Variants in GRM5 observed in about 807,000 individuals in gnomAD.
GRM5 encodes metabotropic glutamate receptor 5.
A neutral mutation model predicts 83.1 loss-of-function variants in GRM5; 19 were observed. That is an observed-to-expected ratio of 0.23 (90% CI 0.16 to 0.34). The LOEUF (loss-of-function observed/expected upper bound fraction) is 0.34, where lower values mean the gene tolerates loss of function less well. Ranked by LOEUF, GRM5 falls within the 10% of genes least tolerant of loss-of-function variation. GRM5 has a pLI of 1.00. For missense variants in GRM5, 1,160 were observed against 1,588.3 expected (o/e 0.73, Z 4.58); for synonymous variants, 675 against 633.6 (o/e 1.07, Z -0.98).
At chr11:88,665,526 G>A (rs1042907671) in intron 3 of GRM5, among the ~76,000 whole-genome samples, 5 of 152,078 alleles carry the variant, frequency 3.3e-5, no homozygotes, top group Non-Finnish European at 5.9e-5. Context: ...CAAATAAAAC[G>A]TATAGGTATA....
chr11:89,002,819 C>G (rs188802318), intron 2 of GRM5, among the ~76,000 whole-genome samples: 4 of 152,178 alleles, frequency 2.6e-5, no homozygotes, highest in East Asian at 1.9e-4. Context: ...TGCTTCCCCC[C>G]CAGAGAGCCA....
At chr11:88,873,472 C>G (rs582699) in intron 2 of GRM5, among the ~76,000 whole-genome samples, 149,371 of 151,674 alleles carry the variant, frequency 0.98, 73,590 homozygotes, top group East Asian at 1. Flanking sequence ...AAAAAAAATA[C>G]TCTTATCACA....
At chr11:88,935,063 A>G (rs1937848049) in intron 2 of GRM5, among the ~76,000 whole-genome samples, 1 of 151,926 alleles carries the variant, frequency 6.6e-6, no homozygotes, top group Non-Finnish European at 1.5e-5. Flanking sequence ...AACACTATAA[A>G]TCTGCTATCA....
chr11:88,739,256 G>A (rs781669071), intron 3 of GRM5, among the ~76,000 whole-genome samples: 18 of 152,008 alleles, frequency 1.2e-4, no homozygotes, highest in Non-Finnish European at 1.9e-4. Context: ...TTCTTCACTC[G>A]AATTCACCAA....
intron 2 of GRM5, among the ~76,000 whole-genome samples, chr11:88,929,556 C>T (rs183463498): frequency 7.9e-5 from 12 of 152,166 alleles, no homozygotes; most frequent in Non-Finnish European, 1.5e-4. Context: ...AACGAAAAGT[C>T]CGGCAACAGA....
intron 9 of GRM5, among the ~76,000 whole-genome samples, chr11:88,517,629 C>A (rs1231162539): frequency 6.6e-6 from 1 of 152,106 alleles, no homozygotes; most frequent in Admixed American, 6.5e-5. Context: ...ACACAATTCC[C>A]AAATTTTATC....
chr11:88,852,641 C>A lies in GRM5; in HGVS notation c.662-2486G>T, dbSNP rs1050092984. On this transcript the variant is annotated intron_variant, in intron 2 of 9. Coordinates refer to ENST00000305447, the MANE Select transcript of GRM5 (RefSeq NM_001143831.3). ...GCAGGGGGTATATGAAAAATTTTCACTCAATTTTGCAGTGAATCAAAAACT... is the reference window on the plus strand; with the variant it reads ...GCAGGGGGTATATGAAAAATTTTCAATCAATTTTGCAGTGAATCAAAAACT... 6.2e-4 allele frequency among the ~76,000 whole-genome samples: 94 copies of A among 152,128 alleles called. 3 individuals are homozygous for A. The highest frequency in any genetic ancestry group is 6.0e-3 in the Admixed American group (91 of 15,264).
intron 3 of GRM5, among the ~76,000 whole-genome samples, chr11:88,804,284 C>T (rs940953265): frequency 3.4e-5 from 5 of 146,048 alleles, no homozygotes; most frequent in African/African-American, 5.3e-5. Flanking sequence ...TTGGAACCAA[C>T]CCAAATGTCC....
Position 88,567,869 on chromosome 11 carries a change from C to G in GRM5, c.1814G>C (p.Arg605Pro). 1 of 1,613,740 alleles carries G rather than the reference C, an allele frequency of 6.2e-7. No individual in the cohort carries two copies. Among genetic ancestry groups the G allele is most frequent in the Non-Finnish European group, 8.5e-7 (1 of 1,179,628 alleles). The part of the protein sequence containing the change: ...LFVTVVFIIY[R>P]DTPVVKSSSR... The stretch of plus-strand genomic sequence containing the variant: ...TGAGGACTTGACTACTGGTGTATCA[C>G]GGTAAATGATGAAGACTACAGTAAC... Residue 605 changes from arginine to proline, a missense_variant, in exon 8 of 10, where the codon CGT becomes CCT. Physicochemically the swap from Arg to Pro is moderately radical, Grantham distance 103. Transcript: ENST00000305447. The surrounding 1 kb of genome is among the most constrained non-coding windows in gnomAD (Gnocchi z 7.3).
At chr11:88,938,986 T>C (rs1242408460) in intron 2 of GRM5, among the ~76,000 whole-genome samples, 3 of 151,780 alleles carry the variant, frequency 2.0e-5, no homozygotes, top group Non-Finnish European at 4.4e-5. Context: ...CTACTGATAT[T>C]TGCCTAAAAT....
At chr11:89,022,426 A>G (rs895017038) in intron 2 of GRM5, among the ~76,000 whole-genome samples, 2 of 151,620 alleles carry the variant, frequency 1.3e-5, no homozygotes, top group Non-Finnish European at 2.9e-5. Context: ...GCAGGTCACA[A>G]GGTCAGGAGC....
At chr11:88,661,733 A>T (rs988027916) in intron 3 of GRM5, among the ~76,000 whole-genome samples, 3 of 152,138 alleles carry the variant, frequency 2.0e-5, no homozygotes, top group Admixed American at 6.5e-5. Flanking sequence ...ATTTTATTTT[A>T]TTTATTTTTT....
intron 3 of GRM5, among the ~76,000 whole-genome samples, chr11:88,746,940 G>A (rs922963714): frequency 1.3e-5 from 2 of 151,902 alleles, no homozygotes; most frequent in African/African-American, 4.8e-5. Flanking sequence ...AAACTTTCAG[G>A]TATACAGAAT....
intron 3 of GRM5, among the ~76,000 whole-genome samples, chr11:88,707,974 T>G (rs1052162233): frequency 8.5e-5 from 13 of 152,094 alleles, no homozygotes; most frequent in Non-Finnish European, 1.6e-4. Context: ...CTTTCTTTTA[T>G]CACCTTCATG....
intron 3 of GRM5, among the ~76,000 whole-genome samples, chr11:88,788,843 T>G (rs546249461): frequency 3.3e-5 from 5 of 152,254 alleles, no homozygotes; most frequent in African/African-American, 1.2e-4. Context: ...AGTAGTTAGA[T>G]AAAACTTTTC....
intron 2 of GRM5, among the ~76,000 whole-genome samples, chr11:89,009,928 A>AC (rs1940649037): frequency 4.2e-5 from 6 of 142,068 alleles, no homozygotes; most frequent in Admixed American, 2.8e-4. Flanking sequence ...AAAAAAAAAA[A>AC]AACACACACA....
At chr11:88,711,850 GAGAGAGAC>G (rs1308770009) in intron 3 of GRM5, among the ~76,000 whole-genome samples, 1 of 152,010 alleles carries the variant, frequency 6.6e-6, no homozygotes, top group African/African-American at 2.4e-5. Flanking sequence ...AGAACTCAGA[GAGAGAGAC>G]AGAGAGAGAG....
chr11:88,991,021 G>T (rs994360538), intron 2 of GRM5, among the ~76,000 whole-genome samples: 8 of 152,110 alleles, frequency 5.3e-5, no homozygotes, highest in Non-Finnish European at 1.2e-4. Context: ...AGGGCAATTA[G>T]GCAGGAGAAG....
chr11:88,526,143 AG>A (rs1941870319), intron 8 of GRM5, among the ~76,000 whole-genome samples: 1 of 152,230 alleles, frequency 6.6e-6, no homozygotes, highest in Non-Finnish European at 1.5e-5. Flanking sequence ...TTTTACTGTC[AG>A]TATTGGGATG....
Sources: allele counts gnomAD v4.1 joint callset (sites outside exome capture counted in the v4.1 genomes callset), GRCh38; gene constraint gnomAD v4.1.1; non-coding constraint Gnocchi (gnomAD v3.1); transcripts MANE v1.5; gene names NCBI Gene and HGNC (gene_info 2026-07-23, HGNC 2026-07-21).